MROH9: variants seen among roughly 807,000 people sequenced by gnomAD.
MROH9 encodes maestro heat like repeat family member 9.
In MROH9, 92 loss-of-function variants were observed where a neutral mutation model predicts 98.2. The ratio of observed to expected loss-of-function variants is 0.94; its 90% CI spans 0.79 to 1.11. MROH9 has a LOEUF of 1.11. Ranked by LOEUF, MROH9 falls within the 50% of genes most tolerant of loss-of-function variation. The probability of loss-of-function intolerance (pLI) is 0.00; values close to 1 mark genes in which losing one functional copy is unlikely to be tolerated. For missense variants in MROH9, 1,057 were observed against 1,014.8 expected (o/e 1.04, Z -0.57); for synonymous variants, 397 against 368.9 (o/e 1.08, Z -0.87).
At chr1:171,035,361 T>G (rs996855249) in intron 20 of MROH9, among the ~76,000 whole-genome samples, 1 of 151,696 alleles carries the variant, frequency 6.6e-6, no homozygotes, top group Non-Finnish European at 1.5e-5. Flanking sequence ...TCAACAATAT[T>G]AATAATCAGA....
At chr1:171,022,650 TG>T (rs553611632) in intron 17 of MROH9, among the ~76,000 whole-genome samples, 1 of 152,104 alleles carries the variant, frequency 6.6e-6, no homozygotes, top group East Asian at 1.9e-4. Context: ...CTAATGCATA[TG>T]GGGCTTAAAA....
At chr1:171,017,275 CA>C (rs1652355375) in intron 17 of MROH9, among the ~76,000 whole-genome samples, 1 of 152,128 alleles carries the variant, frequency 6.6e-6, no homozygotes, top group Admixed American at 6.5e-5. Flanking sequence ...ACTGACTAGG[CA>C]GCGGGCATGA....
At chr1:170,986,745 G>C (rs1651150616) in intron 10 of MROH9, 35 bp downstream of exon 10, 2 of 1,601,108 alleles carry the variant, frequency 1.2e-6, no homozygotes, top group Non-Finnish European at 1.7e-6. Context: ...AGAGCACAGG[G>C]TTTACTCTCT....
chr1:171,062,249 A>G, intron 21 of MROH9, 55 bp downstream of exon 21: 4 of 1,269,904 alleles, frequency 3.1e-6, no homozygotes, highest in Non-Finnish European at 4.5e-6. Context: ...TACATTTACT[A>G]TTTTTAATTC....
At chr1:170,958,615 A>G (rs1649885972) in intron 4 of MROH9, 75 bp downstream of exon 4, 4 of 1,015,562 alleles carry the variant, frequency 3.9e-6, no homozygotes, top group Non-Finnish European at 5.9e-6. Flanking sequence ...AAAACATGCA[A>G]TTGTGAAAGA....
chr1:170,946,018 C>T (rs1649318888), intron 2 of MROH9, among the ~76,000 whole-genome samples: 1 of 151,826 alleles, frequency 6.6e-6, no homozygotes, highest in South Asian at 2.1e-4. Context: ...GCCTTTAGTA[C>T]TTAGAAAACT....
chr1:170,970,731 T>TGTGTGTGTGTGTGAGAGA (rs1491154307), intron 7 of MROH9, among the ~76,000 whole-genome samples: 7 of 90,800 alleles, frequency 7.7e-5, no homozygotes, highest in East Asian at 3.0e-4. Context: ...TGTGTGTGTG[T>TGTGTGTGTGTGTGAGAGA]GAGAGAGAGA....
At chr1:170,960,810 A>G (rs1318303131) in intron 5 of MROH9, among the ~76,000 whole-genome samples, 1 of 152,064 alleles carries the variant, frequency 6.6e-6, no homozygotes. Context: ...GTTTTGTTTT[A>G]TAGAGATGAG....
rs569635491 is a variant in MROH9, at chr1:171,055,724, C to T, written c.2282-6408C>T. On this transcript the variant is annotated intron_variant, in intron 20 of 21. Coordinates refer to ENST00000367759, the MANE Select transcript of MROH9 (RefSeq NM_001163629.2). The stretch of plus-strand genomic sequence containing the variant: ...ACAACATATTGAGGGGCCAAGATGT[C>T]CAACTAGAAACGGTGGCAGTCGGAG... 4.7e-4 allele frequency among the ~76,000 whole-genome samples: 72 copies of T among 151,760 alleles called. 1 individual carries two copies. The highest frequency in any genetic ancestry group is 1.7e-3 in the African/African-American group (71 of 41,350).
At chr1:170,995,569 T>C in intron 13 of MROH9, 38 bp downstream of exon 13, 2 of 1,608,552 alleles carry the variant, frequency 1.2e-6, no homozygotes, top group South Asian at 1.1e-5. Context: ...AAATAAGAGA[T>C]AAGCGTCCAG....
At chr1:171,062,401 C>T (rs1332064494) in intron 21 of MROH9, among the ~76,000 whole-genome samples, 1 of 152,176 alleles carries the variant, frequency 6.6e-6, no homozygotes, top group Non-Finnish European at 1.5e-5. Flanking sequence ...TTTCCCCTTA[C>T]TCTCTTTCCC....
intron 20 of MROH9, among the ~76,000 whole-genome samples, chr1:171,045,194 G>A (rs1310737018): frequency 6.6e-6 from 1 of 151,086 alleles, no homozygotes; most frequent in African/African-American, 2.4e-5. Context: ...TAGAGACGGG[G>A]TTTCATTGTG....
intron 20 of MROH9, among the ~76,000 whole-genome samples, chr1:171,039,129 A>G (rs2101856371): frequency 6.6e-6 from 1 of 152,252 alleles, no homozygotes; most frequent in East Asian, 1.9e-4. Flanking sequence ...ATTTTGGTTA[A>G]TTTGACATAA....
intron 20 of MROH9, among the ~76,000 whole-genome samples, chr1:171,041,007 G>C (rs1314558415): frequency 6.6e-6 from 1 of 151,890 alleles, no homozygotes; most frequent in African/African-American, 2.4e-5. Flanking sequence ...TAGATTTAGG[G>C]ATACAAGTAC....
Position 171,024,644 on chromosome 1 carries a change from C to A in MROH9, c.2062-5C>A. 1 of 1,544,766 alleles carries A rather than the reference C, an allele frequency of 6.5e-7. No homozygotes were observed. ...GATCTTCACCGGCCTTTTTCTGTCT[C>A]ACAGGCATGTAAATATACATTAAAA... is the stretch of plus-strand genomic sequence containing the variant. On this transcript the variant is annotated splice_polypyrimidine_tract_variant and splice_region_variant and intron_variant, in intron 18 of 21. Coordinates refer to ENST00000367759, the MANE Select transcript of MROH9 (RefSeq NM_001163629.2).
intron 20 of MROH9, among the ~76,000 whole-genome samples, chr1:171,038,076 A>G (rs1421840380): frequency 6.6e-6 from 1 of 152,082 alleles, no homozygotes; most frequent in Non-Finnish European, 1.5e-5. Flanking sequence ...AAGATTGATA[A>G]CTATGTAAAA....
chr1:170,978,718 G>A (rs550154143), intron 8 of MROH9, among the ~76,000 whole-genome samples: 83 of 152,218 alleles, frequency 5.5e-4, no homozygotes, highest in Non-Finnish European at 9.3e-4. Flanking sequence ...GTGGGAGCAG[G>A]GTGGTTGTGC....
At chr1:170,938,135 C>T (rs1043369709) in intron 1 of MROH9, among the ~76,000 whole-genome samples, 1 of 152,170 alleles carries the variant, frequency 6.6e-6, no homozygotes, top group Non-Finnish European at 1.5e-5. Flanking sequence ...ACCATAACTC[C>T]CTTCTTAGCC....
At chr1:170,936,047 C>T (rs1007513784) in intron 1 of MROH9, among the ~76,000 whole-genome samples, 1 of 149,258 alleles carries the variant, frequency 6.7e-6, no homozygotes, top group African/African-American at 2.5e-5. Flanking sequence ...GGGCCCTCAT[C>T]CAGAAATCTT....
Sources: gnomAD v4.1 joint callset for allele counts (sites outside exome capture counted in the v4.1 genomes callset) on GRCh38, gnomAD v4.1.1 for gene constraint, MANE v1.5 for transcripts, NCBI Gene and HGNC (gene_info 2026-07-23, HGNC 2026-07-21) for gene names.